The following CSRNP3 variants were observed in gnomAD, a reference collection of about 807,000 sequenced individuals.
The protein encoded by CSRNP3 is cysteine and serine rich nuclear protein 3.
A neutral mutation model predicts 48.0 loss-of-function variants in CSRNP3; 12 were observed. The observed-to-expected ratio is 0.25, with a 90% CI of 0.16 to 0.41. CSRNP3 has a LOEUF of 0.41. Ranked by LOEUF, CSRNP3 falls within the 10% of genes least tolerant of loss-of-function variation. The pLI, the probability that CSRNP3 is intolerant of heterozygous loss-of-function variation, is 1.00. For synonymous variants in CSRNP3, 263 were observed against 269.7 expected, an observed-to-expected ratio of 0.98 and a Z score of 0.24; for missense variants, 580 against 724.4, an observed-to-expected ratio of 0.80 and a Z score of 2.29.
At chr2:165,503,855 C>T (rs1684390052) in intron 2 of CSRNP3, among the ~76,000 whole-genome samples, 1 of 151,750 alleles carries the variant, frequency 6.6e-6, no homozygotes, top group Non-Finnish European at 1.5e-5. Context: ...AATGGAAATG[C>T]CTCCACCATT....
At chr2:165,524,847 T>A (rs1684712361) in intron 3 of CSRNP3, among the ~76,000 whole-genome samples, 1 of 152,244 alleles carries the variant, frequency 6.6e-6, no homozygotes, top group South Asian at 2.1e-4. Flanking sequence ...CACTTAAAGA[T>A]ATTTAGGTTG....
Position 165,683,982 on chromosome 2 carries a change from G to T in CSRNP3, c.*4229G>T, listed in dbSNP as rs777348. 4.2e-4 allele frequency: 64 copies of T among 152,112 alleles called. No individual in the cohort carries two copies. The highest frequency in any genetic ancestry group is 1.5e-3 in the African/African-American group (62 of 41,514). The allele number at this position is 152,112 out of a possible 1,614,324, so 9.4% of individuals were successfully genotyped here. On this transcript the variant is annotated 3_prime_UTR_variant, in exon 7 of 7. Transcript: ENST00000651982. ...TGAATCAAATGAAAAAGAAATTTTCGATTAATTGCTTCTTCAATGTTAGAC... is the reference window on the plus strand; with the variant it reads ...TGAATCAAATGAAAAAGAAATTTTCTATTAATTGCTTCTTCAATGTTAGAC...
chr2:165,661,701 A>C (rs1432167467), intron 5 of CSRNP3, among the ~76,000 whole-genome samples: 3 of 152,204 alleles, frequency 2.0e-5, no homozygotes, highest in Non-Finnish European at 4.4e-5. Context: ...CATTCCAGAA[A>C]GAAAAGTAAG....
intron 3 of CSRNP3, 37 bp downstream of exon 3, chr2:165,517,998 C>A (rs1684603178): frequency 6.6e-6 from 1 of 152,326 alleles, no homozygotes; most frequent in African/African-American, 2.4e-5. Flanking sequence ...CATGCTTTTA[C>A]AGATTTGGGA....
At chr2:165,581,942 T>G (rs1366753608) in intron 3 of CSRNP3, among the ~76,000 whole-genome samples, 2 of 152,208 alleles carry the variant, frequency 1.3e-5, no homozygotes, top group Non-Finnish European at 2.9e-5. Flanking sequence ...TCCAAATTTA[T>G]GTCTATTCAT....
intron 4 of CSRNP3, among the ~76,000 whole-genome samples, chr2:165,616,623 G>T (rs909528639): frequency 2.6e-5 from 4 of 152,148 alleles, no homozygotes; most frequent in Admixed American, 2.0e-4. Flanking sequence ...GAAATCTGCT[G>T]TTAATGTGAG....
intron 4 of CSRNP3, among the ~76,000 whole-genome samples, chr2:165,647,581 A>T (rs1437247913): frequency 6.6e-6 from 1 of 152,208 alleles, no homozygotes; most frequent in Non-Finnish European, 1.5e-5. Context: ...AACAGTAATG[A>T]CGTCAGGTGA....
chr2:165,538,632 T>G (rs1351681743), intron 3 of CSRNP3, among the ~76,000 whole-genome samples: 1 of 151,942 alleles, frequency 6.6e-6, no homozygotes, highest in Non-Finnish European at 1.5e-5. Flanking sequence ...TCTTCCCTAG[T>G]ATCTTGCCTT....
intron 3 of CSRNP3, among the ~76,000 whole-genome samples, chr2:165,556,563 A>G (rs902895316): frequency 3.9e-5 from 6 of 152,176 alleles, no homozygotes; most frequent in Non-Finnish European, 8.8e-5. Context: ...AGGGACCTGC[A>G]TGGCAACCAA....
At chr2:165,490,634 A>G (rs1369849971) in intron 1 of CSRNP3, among the ~76,000 whole-genome samples, 1 of 140,458 alleles carries the variant, frequency 7.1e-6, no homozygotes, top group Non-Finnish European at 1.5e-5. Flanking sequence ...GAGCCCTCAG[A>G]AATAACGCCG....
At chr2:165,650,153 A>T (rs893151023) in intron 4 of CSRNP3, among the ~76,000 whole-genome samples, 1 of 152,180 alleles carries the variant, frequency 6.6e-6, no homozygotes, top group African/African-American at 2.4e-5. Context: ...AGTTTTTTCC[A>T]CTTAAACAAT....
chr2:165,557,265 C>T (rs1685171783), intron 3 of CSRNP3, among the ~76,000 whole-genome samples: 1 of 152,210 alleles, frequency 6.6e-6, no homozygotes, highest in South Asian at 2.1e-4. Flanking sequence ...CATTTGTTTA[C>T]ATACATTTAT....
At chr2:165,491,037 C>T (rs1024541164) in intron 1 of CSRNP3, among the ~76,000 whole-genome samples, 10 of 136,118 alleles carry the variant, frequency 7.3e-5, no homozygotes, top group Admixed American at 1.5e-4. Flanking sequence ...AGAAAATTTT[C>T]GCAACCTACT....
At chr2:165,647,583 G>T (rs1007444614) in intron 4 of CSRNP3, among the ~76,000 whole-genome samples, 2 of 152,132 alleles carry the variant, frequency 1.3e-5, no homozygotes. Flanking sequence ...CAGTAATGAC[G>T]TCAGGTGATA....
chr2:165,509,455 G>C (rs1684471118), intron 2 of CSRNP3, among the ~76,000 whole-genome samples: 1 of 152,124 alleles, frequency 6.6e-6, no homozygotes, highest in African/African-American at 2.4e-5. Flanking sequence ...TGGGGACTTG[G>C]CCTAAGGTGG....
chr2:165,513,096 C>G (rs1156886551), intron 2 of CSRNP3, among the ~76,000 whole-genome samples: 1 of 152,088 alleles, frequency 6.6e-6, no homozygotes, highest in Non-Finnish European at 1.5e-5. Flanking sequence ...CAGAGCAAGA[C>G]TCTGTCTCAA....
chr2:165,540,558 CT>C (rs1289771183), intron 3 of CSRNP3, among the ~76,000 whole-genome samples: 1 of 152,086 alleles, frequency 6.6e-6, no homozygotes, highest in African/African-American at 2.4e-5. Context: ...GTGAAGTCAG[CT>C]TCTCTTCACT....
At position 165,677,015 on chromosome 2, in the gene CSRNP3, G is replaced by T. The variant is rs138871996; in HGVS notation, c.705+407G>T. On this transcript the variant is annotated intron_variant, in intron 6 of 6. Coordinates refer to ENST00000651982, the MANE Select transcript of CSRNP3 (RefSeq NM_001172173.2). ...AATGATGATTGATTAAAGGTGGTTGGATTAGTGGAAAAATTACTAGATTGA... is the reference window on the plus strand; with the variant it reads ...AATGATGATTGATTAAAGGTGGTTGTATTAGTGGAAAAATTACTAGATTGA... 5.5e-4 allele frequency among the ~76,000 whole-genome samples: 84 copies of T among 152,254 alleles called. No individual in the cohort carries two copies. The East Asian group carries it at 7.2e-3, about 13-fold the overall frequency.
intron 5 of CSRNP3, among the ~76,000 whole-genome samples, chr2:165,671,267 A>T (rs745740355): frequency 1.1e-4 from 17 of 152,200 alleles, no homozygotes; most frequent in Non-Finnish European, 7.4e-5. Context: ...AGAAAAAAAG[A>T]TTTTAAAGGT....
Sources: gnomAD v4.1 joint callset for allele counts (sites outside exome capture counted in the v4.1 genomes callset) on GRCh38, gnomAD v4.1.1 for gene constraint, MANE v1.5 for transcripts, NCBI Gene and HGNC (gene_info 2026-07-23, HGNC 2026-07-21) for gene names.